The following TOX variants were observed in gnomAD, a reference collection of about 807,000 sequenced individuals.
TOX encodes thymocyte selection associated high mobility group box, also known as thymocyte selection-associated high mobility group box protein TOX.
Under a neutral mutation model 53.7 loss-of-function variants are expected in TOX, and 11 were observed. That is an observed-to-expected ratio of 0.20 (90% confidence interval 0.13 to 0.34). The LOEUF (loss-of-function observed/expected upper bound fraction) is 0.34. TOX is among the 10% of genes least tolerant of loss of function. The probability of loss-of-function intolerance (pLI) is 1.00; values close to 1 mark genes in which losing one functional copy is unlikely to be tolerated. For missense variants in TOX, 570 were observed against 664.6 expected (o/e 0.86, Z 1.56); for synonymous variants, 225 against 245.3 (o/e 0.92, Z 0.77).
intron 1 of TOX, among the ~76,000 whole-genome samples, chr8:59,093,722 C>T (rs548147297): frequency 6.6e-6 from 1 of 152,266 alleles, no homozygotes; most frequent in South Asian, 2.1e-4. Context: ...CATATATGGC[C>T]TCAGTTAAAT....
rs74446726 is a variant in TOX at position 58,850,348 on chromosome 8, G to A, written c.693+1176C>T. ...AGGTTGGCCAGGAGACAGAAAGAGG[G>A]AGAAGACAGAGCATGCCCAGAGCCT... On this transcript the variant is annotated intron_variant, in intron 4 of 8. Coordinates refer to ENST00000361421, the MANE Select transcript of TOX (RefSeq NM_014729.3). Among the ~76,000 whole-genome samples the A allele has an allele frequency of 3.9e-3, 595 of 152,316 alleles. 6 individuals carry two copies. The highest frequency in any genetic ancestry group is 0.014 in the African/African-American group (564 of 41,574).
At chr8:59,103,333 C>A (rs958486018) in intron 1 of TOX, among the ~76,000 whole-genome samples, 6 of 152,136 alleles carry the variant, frequency 3.9e-5, no homozygotes, top group Non-Finnish European at 8.8e-5. Context: ...GGCCTCAACT[C>A]TATTTTTTAA....
chr8:58,881,741 A>T (rs1811386328), intron 3 of TOX, among the ~76,000 whole-genome samples: 1 of 151,884 alleles, frequency 6.6e-6, no homozygotes, highest in African/African-American at 2.4e-5. Flanking sequence ...AAAAAAAAAA[A>T]AAAGGCTTAG....
At chr8:59,115,878 C>T (rs1170885187) in intron 1 of TOX, among the ~76,000 whole-genome samples, 1 of 152,040 alleles carries the variant, frequency 6.6e-6, no homozygotes, top group African/African-American at 2.4e-5. Flanking sequence ...ATTAGTCTTA[C>T]AGTAGAGCAA....
chr8:58,859,496 T>C (rs1810969378), intron 3 of TOX, among the ~76,000 whole-genome samples: 1 of 152,206 alleles, frequency 6.6e-6, no homozygotes. Context: ...TACAATAGAA[T>C]ACCTGTAGTT....
chr8:59,101,237 T>C (rs138347663), intron 1 of TOX, among the ~76,000 whole-genome samples: 2 of 152,368 alleles, frequency 1.3e-5, no homozygotes, highest in East Asian at 3.8e-4. Flanking sequence ...GTGTATCACA[T>C]CTAAGATTAT....
At position 58,959,934 on chromosome 8, in the gene TOX, T is replaced by TTA. The variant is rs1435670789; in HGVS notation, c.168+7_168+8dup. 1.2e-6 allele frequency: 2 copies of TTA among 1,614,130 alleles called. No individual in the cohort carries two copies. Among genetic ancestry groups the TTA allele is most frequent in the Admixed American group, 3.3e-5 (2 of 60,014 alleles). On this transcript the variant is annotated intron_variant, in intron 2 of 8. Coordinates refer to ENST00000361421, the MANE Select transcript of TOX (RefSeq NM_014729.3). ...TTTGAAACAAGGCAGAGAAGATTAA[T>TTA]TAACCCACCTGGCTGGCTGGCACAT... is the stretch of plus-strand genomic sequence containing the variant.
intron 6 of TOX, among the ~76,000 whole-genome samples, chr8:58,826,345 G>T (rs1406951345): frequency 3.3e-5 from 5 of 152,156 alleles, no homozygotes; most frequent in Non-Finnish European, 7.3e-5. Context: ...TAGTGTTTAA[G>T]ATATTCTAGA....
intron 5 of TOX, 141 bp from the exon 6 acceptor site, chr8:58,827,043 G>T: frequency 2.1e-6 from 1 of 485,392 alleles, no homozygotes; most frequent in Non-Finnish European, 3.1e-6. Context: ...CAAAGATTGT[G>T]TTTTCTTACT....
At chr8:59,095,567 C>T (rs756894824) in intron 1 of TOX, among the ~76,000 whole-genome samples, 14 of 152,014 alleles carry the variant, frequency 9.2e-5, no homozygotes, top group East Asian at 1.9e-4. Flanking sequence ...CCACCATGCC[C>T]GGCTAATTTT....
chr8:59,001,570 C>T (rs1384683518), intron 1 of TOX, among the ~76,000 whole-genome samples: 1 of 152,118 alleles, frequency 6.6e-6, no homozygotes, highest in Non-Finnish European at 1.5e-5. Context: ...CACAGGGATG[C>T]TCACAAGTTG....
At chr8:59,064,706 T>C (rs757914533) in intron 1 of TOX, among the ~76,000 whole-genome samples, 6 of 152,188 alleles carry the variant, frequency 3.9e-5, no homozygotes, top group Admixed American at 6.5e-5. Context: ...TCCTTCTATA[T>C]TTTGGGGGCA....
At chr8:59,062,421 T>C (rs532246422) in intron 1 of TOX, among the ~76,000 whole-genome samples, 2 of 152,338 alleles carry the variant, frequency 1.3e-5, no homozygotes, top group East Asian at 1.9e-4. Context: ...AGAAGATTAC[T>C]CATAAAAGCA....
intron 1 of TOX, among the ~76,000 whole-genome samples, chr8:59,101,043 G>A (rs949277092): frequency 2.6e-5 from 4 of 152,156 alleles, no homozygotes; most frequent in African/African-American, 9.7e-5. Flanking sequence ...GACAGGGCAA[G>A]GAATGCTGGT....
intron 3 of TOX, among the ~76,000 whole-genome samples, chr8:58,933,957 A>G (rs1269015933): frequency 6.6e-6 from 1 of 152,168 alleles, no homozygotes. Flanking sequence ...ATGACTGACA[A>G]GCTTATCCAT....
At chr8:59,041,884 T>A (rs1185451087) in intron 1 of TOX, among the ~76,000 whole-genome samples, 1 of 152,250 alleles carries the variant, frequency 6.6e-6, no homozygotes. Context: ...TTTAAAATTC[T>A]AAAATTTTCT....
At chr8:58,906,580 T>TA (rs982781694) in intron 3 of TOX, among the ~76,000 whole-genome samples, 9 of 152,106 alleles carry the variant, frequency 5.9e-5, no homozygotes, top group Non-Finnish European at 1.0e-4. Flanking sequence ...AACCATAAGA[T>TA]AAAAAAAGAA....
chr8:58,953,042 T>C (rs1309627511), intron 2 of TOX, among the ~76,000 whole-genome samples: 1 of 152,194 alleles, frequency 6.6e-6, no homozygotes, highest in Admixed American at 6.5e-5. Context: ...TATTATGGCC[T>C]ATTTACTTTT....
At position 58,911,331 on chromosome 8, in the gene TOX, C is replaced by T. The variant is rs58821545; in HGVS notation, c.411+27971G>A. Reference sequence around the variant, plus strand: ...ATGTCTAGATACTTCAATGGCACTACTTGAAGCAAAATGAAAATATCTACA... The same window carrying T: ...ATGTCTAGATACTTCAATGGCACTATTTGAAGCAAAATGAAAATATCTACA... On this transcript the variant is annotated intron_variant, in intron 3 of 8. Coordinates refer to ENST00000361421, the MANE Select transcript of TOX (RefSeq NM_014729.3). 8.4e-3 allele frequency among the ~76,000 whole-genome samples: 1,286 copies of T among 152,236 alleles called. 27 individuals carry two copies. Among genetic ancestry groups the T allele is most frequent in the African/African-American group, 0.03 (1,231 of 41,536 alleles).
Sources: allele counts gnomAD v4.1 joint callset (sites outside exome capture counted in the v4.1 genomes callset), GRCh38; gene constraint gnomAD v4.1.1; transcripts MANE v1.5; gene names NCBI Gene and HGNC (gene_info 2026-07-23, HGNC 2026-07-21).